Variants in ESR1 observed in about 807,000 individuals in gnomAD.
ESR1 encodes estrogen receptor 1, also known as estrogen receptor.
In ESR1, 12 loss-of-function variants were observed where a neutral mutation model predicts 52.7. The ratio of observed to expected loss-of-function variants is 0.23; its 90% CI spans 0.15 to 0.37. ESR1 has a LOEUF of 0.37. ESR1 is among the 10% of genes least tolerant of loss of function. ESR1 has a pLI of 1.00. For synonymous variants in ESR1, 305 were observed against 316.8 expected (o/e 0.96, Z 0.39); for missense variants, 584 against 779.7 (o/e 0.75, Z 2.99).
At chr6:152,003,062 T>A (rs1239405642) in intron 4 of ESR1, among the ~76,000 whole-genome samples, 1 of 152,010 alleles carries the variant, frequency 6.6e-6, no homozygotes, top group Admixed American at 6.6e-5. Flanking sequence ...TCTTCTCAAA[T>A]GCTTATTGTC....
At chr6:151,990,841 T>C (rs1562640393) in intron 4 of ESR1, among the ~76,000 whole-genome samples, 2 of 152,216 alleles carry the variant, frequency 1.3e-5, no homozygotes, top group Non-Finnish European at 2.9e-5. Context: ...CACCTTTCCC[T>C]TCCACTTTTA....
At chr6:151,709,557 G>A (rs1447930720) in intron 2 of ESR1, among the ~76,000 whole-genome samples, 2 of 152,102 alleles carry the variant, frequency 1.3e-5, no homozygotes, top group East Asian at 1.9e-4. Flanking sequence ...CATAGTGGCT[G>A]TACTAACATA....
intron 6 of ESR1, among the ~76,000 whole-genome samples, chr6:152,117,320 ATGT>A (rs1232519630): frequency 6.6e-6 from 1 of 152,202 alleles, no homozygotes; most frequent in East Asian, 1.9e-4. Flanking sequence ...AGCTCCAAGA[ATGT>A]GTCCGGCAGG....
At chr6:151,799,612 C>T (rs1465196803), upstream of ESR1, among the ~76,000 whole-genome samples, 1 of 152,012 alleles carries the variant, frequency 6.6e-6, no homozygotes, top group Non-Finnish European at 1.5e-5. Flanking sequence ...CCTTGTGTGC[C>T]CTTTTTGAAT....
rs185566690 is a variant in ESR1 at position 151,756,985 on chromosome 6, G to C, written c.-70-50858G>C. On this transcript the variant is annotated intron_variant, in intron 2 of 2. Transcript: ENST00000404742. ...AGCCTGGGCGACAGAGCGAGACTCT[G>C]TCTCAAAATAAATAAATAAAATAAA... 2.9e-4 allele frequency among the ~76,000 whole-genome samples: 44 copies of C among 152,212 alleles called. No individual in the cohort carries two copies. In the East Asian group the frequency reaches 7.9e-3, roughly 27 times the overall value.
intron 5 of ESR1, among the ~76,000 whole-genome samples, chr6:152,048,811 T>G (rs993274506): frequency 2.0e-5 from 3 of 152,214 alleles, no homozygotes; most frequent in Non-Finnish European, 2.9e-5. Flanking sequence ...AGAGAAACAA[T>G]GGTCAGTGTA....
At chr6:151,794,488 T>C (rs1776499062) in intron 2 of ESR1, among the ~76,000 whole-genome samples, 1 of 152,184 alleles carries the variant, frequency 6.6e-6, no homozygotes, top group African/African-American at 2.4e-5. Flanking sequence ...AAAGATTACT[T>C]CCAAATTTTT....
intron 2 of ESR1, among the ~76,000 whole-genome samples, chr6:151,722,245 G>A (rs555262689): frequency 5.9e-5 from 9 of 152,334 alleles, no homozygotes; most frequent in Admixed American, 5.2e-4. Flanking sequence ...TGTGTGCACC[G>A]ATGGTGGAAC....
At chr6:151,939,730 C>T (rs1183580200) in intron 3 of ESR1, among the ~76,000 whole-genome samples, 1 of 151,744 alleles carries the variant, frequency 6.6e-6, no homozygotes, top group African/African-American at 2.4e-5. Flanking sequence ...TGAACCATAC[C>T]CTTGGGATCC....
chr6:151,899,116 G>T (rs1485537775), intron 3 of ESR1, among the ~76,000 whole-genome samples: 1 of 135,388 alleles, frequency 7.4e-6, no homozygotes, highest in African/African-American at 2.9e-5. Context: ...GCGGCTGGCC[G>T]GGCGGGGGGC....
chr6:151,959,106 G>A (rs1162910156), intron 4 of ESR1, among the ~76,000 whole-genome samples: 2 of 152,020 alleles, frequency 1.3e-5, no homozygotes, highest in East Asian at 1.9e-4. Flanking sequence ...CATCTCTGAC[G>A]AGCTCCAGAA....
intron 6 of ESR1, among the ~76,000 whole-genome samples, chr6:152,065,253 T>G (rs955201050): frequency 6.6e-6 from 1 of 152,184 alleles, no homozygotes; most frequent in Admixed American, 6.5e-5. Context: ...ATTTATCTTG[T>G]GGATAATAAT....
chr6:151,863,292 A>G (rs1288880606), intron 2 of ESR1, among the ~76,000 whole-genome samples: 1 of 152,112 alleles, frequency 6.6e-6, no homozygotes, highest in Non-Finnish European at 1.5e-5. Flanking sequence ...ATGTTCTTCC[A>G]TTTGTCTGTG....
At chr6:151,919,896 G>T (rs1228666171) in intron 3 of ESR1, among the ~76,000 whole-genome samples, 4 of 152,102 alleles carry the variant, frequency 2.6e-5, no homozygotes, top group African/African-American at 9.7e-5. Flanking sequence ...ACAGGTATAT[G>T]TATATGTACA....
intron 2 of ESR1, among the ~76,000 whole-genome samples, chr6:151,748,079 C>T (rs1034302381): frequency 1.3e-5 from 2 of 152,142 alleles, no homozygotes; most frequent in African/African-American, 4.8e-5. Context: ...ATTTTACATT[C>T]CAACCAGCAA....
At chr6:151,799,320 A>T (rs1216090368) in intron 2 of ESR1, among the ~76,000 whole-genome samples, 1 of 152,258 alleles carries the variant, frequency 6.6e-6, no homozygotes, top group African/African-American at 2.4e-5. Context: ...TCAACAACTT[A>T]TAAAGAAACA....
At chr6:152,048,140 G>A (rs917700166) in intron 5 of ESR1, among the ~76,000 whole-genome samples, 7 of 151,654 alleles carry the variant, frequency 4.6e-5, no homozygotes, top group Non-Finnish European at 8.8e-5. Context: ...GGACGCCGAG[G>A]CAGGTGGACC....
At chr6:151,983,895 C>G (rs904290934) in intron 4 of ESR1, 1 of 152,006 alleles carries the variant, frequency 6.6e-6, no homozygotes, top group Non-Finnish European at 1.5e-5. Flanking sequence ...CAGTTAAGAC[C>G]CTTAGAGAGT....
At chr6:151,679,970 C>A (rs1582875103) in intron 1 of ESR1, among the ~76,000 whole-genome samples, 1 of 152,126 alleles carries the variant, frequency 6.6e-6, no homozygotes, top group Non-Finnish European at 1.5e-5. Flanking sequence ...ATCTCTAATC[C>A]CTGCTTAATC....
Sources: allele counts gnomAD v4.1 joint callset (sites outside exome capture counted in the v4.1 genomes callset), GRCh38; gene constraint gnomAD v4.1.1; transcripts MANE v1.5; gene names NCBI Gene and HGNC (gene_info 2026-07-23, HGNC 2026-07-21).